Variants in DVL2 observed in about 807,000 individuals in gnomAD.
DVL2 encodes the protein segment polarity protein dishevelled homolog DVL-2.
A neutral mutation model predicts 69.8 loss-of-function variants in DVL2; 38 were observed. The observed-to-expected ratio is 0.54, with a 90% CI of 0.42 to 0.71. DVL2 has a LOEUF of 0.71. DVL2 is among the 30% of genes least tolerant of loss of function. The pLI, the probability that DVL2 is intolerant of heterozygous loss-of-function variation, is 0.00. For missense variants in DVL2, 931 were observed against 1,008.1 expected, an observed-to-expected ratio of 0.92 and a Z score of 1.04; for synonymous variants, 428 against 392.4, an observed-to-expected ratio of 1.09 and a Z score of -1.07.
At position 7,229,840 on chromosome 17, in the gene DVL2, C is replaced by T. The variant is rs761704373; in HGVS notation, c.624G>A (p.Leu208=). The change falls in exon 5 of 15, where the codon CTG becomes CTA. Residue 208 remains leucine, a synonymous_variant. Transcript: ENST00000005340. This position sits in a 1 kb window ranked among gnomAD's most constrained non-coding sequence, Gnocchi z 4.4. ...LMTSELESTS[L]GDSDEEDTMS... ...TGGTGTCCTCCTCGTCCGAGTCCCC[C>T]AGGCTGGTACTCTCCAGCTCGCTGG... is the stretch of plus-strand genomic sequence containing the variant. 1.1e-5 allele frequency: 17 copies of T among 1,612,652 alleles called. No homozygotes were observed. Among genetic ancestry groups the T allele is most frequent in the Admixed American group, 1.7e-5 (1 of 60,024 alleles).
At position 7,234,450 on chromosome 17, in the gene DVL2, C is replaced by G; in HGVS notation, c.-188G>C. The G allele has an allele frequency of 2.9e-6, 2 of 679,708 alleles. No individual in the cohort carries two copies. The highest frequency in any genetic ancestry group is 2.1e-5 in the South Asian group (1 of 47,700). The allele number at this position is 679,708 out of a possible 1,614,324, so 42.1% of individuals were successfully genotyped here. A position where few individuals can be genotyped will look rare whatever the true frequency, so the allele number is the denominator to read the frequency against. The stretch of plus-strand genomic sequence containing the variant: ...GGGGGGCGGGCCGCGGGGTGCGACT[C>G]AAAGCCCCGGTCTCAGCGGCCGCCG... On this transcript the variant is annotated 5_prime_UTR_variant, in exon 1 of 15. Transcript: ENST00000005340.
rs772854013 is a variant in DVL2, at chr17:7,225,952, G to T, written c.2124C>A (p.Gly708=). The change falls in exon 15 of 15, where the codon GGC becomes GGA. Residue 708 remains glycine (G), a synonymous_variant. Transcript: ENST00000005340. ...PPGAPPVRDL[G]SVPPELTASR... ...TGGCTGTCAGTTCTGGGGGCACAGA[G>T]CCCAGGTCTCTGACTGGAGGGGCCC... The T allele has an allele frequency of 6.2e-7, 1 of 1,613,848 alleles. No homozygotes were observed. Among genetic ancestry groups the T allele is most frequent in the Non-Finnish European group, 8.5e-7 (1 of 1,180,030 alleles).
At position 7,225,417 on chromosome 17, in the gene DVL2, G is replaced by C; in HGVS notation, c.*448C>G. On this transcript the variant is annotated 3_prime_UTR_variant, in exon 15 of 15. Transcript: ENST00000005340. ...AATAGAGTAACAAAGGCAGCTACAT[G>C]GCCCAAATCTCCCAGCTTCCTCAGG... The C allele has an allele frequency of 2.2e-6, 1 of 456,302 alleles. No individual in the cohort carries two copies. The highest frequency in any genetic ancestry group is 2.2e-5 in the South Asian group (1 of 45,886). 28.3% of individuals were successfully genotyped at this position (456,302 alleles called of 1,614,324 possible).
In DVL2 at chr17:7,229,592, T is replaced by G; in HGVS notation, c.743A>C (p.Glu248Ala). ...RRRKQRPPRL[E>A]RTSSFSSVTD... Reference sequence around the variant, plus strand: ...CTTCCTGTAGGAACCCCTCACCCTCTCCAGGCGGGGTGGCCTCTGCTTCCT... The same window carrying G: ...CTTCCTGTAGGAACCCCTCACCCTCGCCAGGCGGGGTGGCCTCTGCTTCCT... Residue 248 changes from glutamate to alanine, a missense_variant, in exon 6 of 15, where the codon GAG becomes GCG. Glu to Ala is a moderately radical substitution (Grantham distance 107). Transcript: ENST00000005340. This position sits in a 1 kb window ranked among gnomAD's most constrained non-coding sequence, Gnocchi z 4.4. 6.4e-7 allele frequency: 1 copy of G among 1,567,156 alleles called. No homozygotes were observed.
At chr17:7,233,302 T>C (rs1597554542) in intron 1 of DVL2, among the ~76,000 whole-genome samples, 2 of 151,720 alleles carry the variant, frequency 1.3e-5, no homozygotes, top group African/African-American at 4.8e-5. Context: ...GATTGGAACA[T>C]CCCAATACGG....
rs1216246026 is a variant in DVL2 at position 7,226,447 on chromosome 17, C to T, written c.1736G>A (p.Gly579Asp). Residue 579 changes from glycine to aspartate, a missense_variant, in exon 14 of 15, where the codon GGC becomes GAC. By Grantham distance (94) the Gly-to-Asp change is moderately conservative (BLOSUM62 -1). Coordinates refer to ENST00000005340, the MANE Select transcript of DVL2 (RefSeq NM_004422.3). ...HELSSYTYGG[G>D]SASSQHSEGS... Reference sequence around the variant, plus strand: ...CTCACTATGCTGGCTGCTGGCACTGCCCCCACCATAGGTGTAAGATGAAAG... The same window carrying T: ...CTCACTATGCTGGCTGCTGGCACTGTCCCCACCATAGGTGTAAGATGAAAG... 4 of 1,541,726 alleles carry T rather than the reference C, an allele frequency of 2.6e-6. No individual in the cohort carries two copies. In the Admixed American group the frequency reaches 6.1e-5, roughly 24 times the overall value.
intron 9 of DVL2, 116 bp from the exon 10 acceptor site, chr17:7,228,160 G>T (rs1300994995): frequency 1.2e-6 from 1 of 840,964 alleles, no homozygotes; most frequent in Non-Finnish European, 1.9e-6. Flanking sequence ...CAAGCACATC[G>T]CGGCTGGGCT....
chr17:7,228,287 A>G (rs890364866), intron 9 of DVL2: 7 of 365,190 alleles, frequency 1.9e-5, no homozygotes, highest in East Asian at 8.7e-5. Context: ...CCATTCACAG[A>G]AAGTCCAAAA....
chr17:7,230,636 G>A (rs1326078644), intron 2 of DVL2, 92 bp downstream of exon 2: 10 of 1,390,938 alleles, frequency 7.2e-6, no homozygotes, highest in East Asian at 4.6e-5. Flanking sequence ...GGCTGCTAAC[G>A]CGCGGCCTGG....
rs377201716 is a variant in DVL2, at chr17:7,229,000, G to A, written c.1003C>T (p.Arg335Trp). 1.2e-5 allele frequency: 19 copies of A among 1,613,974 alleles called. No individual in the cohort carries two copies. Among genetic ancestry groups the A allele is most frequent in the African/African-American group, 8.0e-5 (6 of 74,904 alleles). Residue 335 changes from arginine to tryptophan, a missense_variant, in exon 9 of 15, where the codon CGG (arginine) becomes TGG (tryptophan). By Grantham distance (101) the Arg-to-Trp change is moderately radical. Transcript: ENST00000005340. ...FENMSNDDAV[R>W]VLRDIVHKPG... The stretch of plus-strand genomic sequence containing the variant: ...TTGTGCACAATGTCCCTCAGCACCC[G>A]CACAGCGTCATCGTTGCTCATGTTC...
Position 7,227,720 on chromosome 17 carries a change from G to A in DVL2, c.1166C>T (p.Thr389Ile). The change falls in exon 11 of 15, where the codon ACC becomes ATC. Residue 389 changes from threonine to isoleucine, a missense_variant. Transcript: ENST00000005340. ...GGAGGAACCTGGATAGGCTGGGAAGGTGCCAGTCAGAGCCGCGGAATGGGA... is the reference window on the plus strand; with the variant it reads ...GGAGGAACCTGGATAGGCTGGGAAGATGCCAGTCAGAGCCGCGGAATGGGA... ...WVSHSAALTG[T>I]FPAYPGSSSM... is the part of the protein sequence containing the mutation. 1 of 1,610,544 alleles carries A rather than the reference G, an allele frequency of 6.2e-7. No homozygotes were observed. Among genetic ancestry groups the A allele is most frequent in the Non-Finnish European group, 8.5e-7 (1 of 1,178,326 alleles).
chr17:7,229,461 A>C lies in DVL2; in HGVS notation c.748-14T>G, dbSNP rs887316469. 1.2e-6 allele frequency: 2 copies of C among 1,614,066 alleles called. No individual in the cohort carries two copies. The highest frequency in any genetic ancestry group is 1.7e-6 in the Non-Finnish European group (2 of 1,180,010). ...GAAGGATGACGTCTGTGGTGGGAAA[A>C]GGAGCCAGAGTGCCCTTCAATAACC... On this transcript the variant is annotated splice_polypyrimidine_tract_variant and intron_variant, in intron 6 of 14. Coordinates refer to ENST00000005340, the MANE Select transcript of DVL2 (RefSeq NM_004422.3). The surrounding 1 kb of genome is among the most constrained non-coding windows in gnomAD (Gnocchi z 4.4).
rs541586227 is a variant in DVL2, at chr17:7,234,305, G to C, written c.-43C>G. 13 of 1,584,712 alleles carry C rather than the reference G, an allele frequency of 8.2e-6. No homozygotes were observed. In the East Asian group the frequency reaches 2.7e-4, roughly 33 times the overall value. On this transcript the variant is annotated 5_prime_UTR_variant, in exon 1 of 15. Coordinates refer to ENST00000005340, the MANE Select transcript of DVL2 (RefSeq NM_004422.3). ...CCCGGGCTCCACCGCCCACCCAAAG[G>C]GCTAATGGCCCCTGCCGCGCCTGCG...
At chr17:7,231,462 A>C (rs1597552169) in intron 1 of DVL2, among the ~76,000 whole-genome samples, 1 of 151,512 alleles carries the variant, frequency 6.6e-6, no homozygotes, top group East Asian at 1.9e-4. Context: ...AAAAAAAAAA[A>C]AAAACCTTCC....
At chr17:7,231,994 G>C (rs2071550327) in intron 1 of DVL2, among the ~76,000 whole-genome samples, 1 of 151,958 alleles carries the variant, frequency 6.6e-6, no homozygotes, top group South Asian at 2.1e-4. Context: ...ACAAAATTCT[G>C]CACAAAGCAA....
chr17:7,233,087 C>CAAAAAAAAAAAAAAAAAAAAAAAAAAA (rs59984818), intron 1 of DVL2, among the ~76,000 whole-genome samples: 7 of 36,294 alleles, frequency 1.9e-4, no homozygotes, highest in Admixed American at 3.2e-4. Flanking sequence ...GAGACTGTCT[C>CAAAAAAAAAAAAAAAAAAAAAAAAAAA]AAAAAAAAAA....
rs764534021 is a variant in DVL2 at position 7,229,877 on chromosome 17, G to A, written c.587C>T (p.Ser196Phe). Residue 196 changes from serine to phenylalanine, a missense_variant, in exon 5 of 15, where the codon TCT (serine) becomes TTT (phenylalanine). Transcript: ENST00000005340. This position sits in a 1 kb window ranked among gnomAD's most constrained non-coding sequence, Gnocchi z 4.4. ...CTCCAGCTCGCTGGTCATGAGGGTA[G>A]AGGAGCTCTCGTATCCGGCCAGGTG... The part of the protein sequence containing the change: ...ERHLAGYESS[S>F]TLMTSELEST... 11 of 1,611,388 alleles carry A rather than the reference G, an allele frequency of 6.8e-6. No homozygotes were observed. In the Admixed American group the frequency reaches 1.7e-4, roughly 24 times the overall value.
chr17:7,233,684 G>C (rs951362626), intron 1 of DVL2, among the ~76,000 whole-genome samples: 1 of 152,060 alleles, frequency 6.6e-6, no homozygotes, highest in African/African-American at 2.4e-5. Flanking sequence ...TCCTGACCTC[G>C]TGATCCGCCC....
In DVL2 at chr17:7,229,252, G is replaced by A; in HGVS notation, c.840C>T (p.Ile280=). 1 of 1,614,190 alleles carries A rather than the reference G, an allele frequency of 6.2e-7. No individual in the cohort carries two copies. ...GCTCATTGCTCTGGCCAACAATGGA[G>A]ATACCCAGGAAGTTGTACTTCTCTG... ...LNMEKYNFLG[I]SIVGQSNERG... Residue 280 remains isoleucine (I), a synonymous_variant, in exon 8 of 15, where the codon ATC becomes ATT. Transcript: ENST00000005340. The surrounding 1 kb of genome is among the most constrained non-coding windows in gnomAD (Gnocchi z 4.4).
Sources: allele counts gnomAD v4.1 joint callset (sites outside exome capture counted in the v4.1 genomes callset), GRCh38; gene constraint gnomAD v4.1.1; non-coding constraint Gnocchi (gnomAD v3.1); transcripts MANE v1.5; gene names NCBI Gene and HGNC (gene_info 2026-07-23, HGNC 2026-07-21).